PLXNB1: variants seen among roughly 807,000 people sequenced by gnomAD.
The protein encoded by PLXNB1 is plexin-B1.
PLXNB1 carries 106 observed loss-of-function variants against 209.4 expected under a neutral mutation model. The observed-to-expected ratio is 0.51, with a 90% confidence interval of 0.43 to 0.59. The LOEUF (loss-of-function observed/expected upper bound fraction) is 0.59. Among genes scored for constraint, PLXNB1 ranks in the 20% least tolerant of loss-of-function variants. The pLI is 0.00. For missense variants in PLXNB1, 2,357 were observed against 2,853.2 expected (o/e 0.83, Z 3.96); for synonymous variants, 1,167 against 1,183.2 (o/e 0.99, Z 0.28).
At position 48,412,862 on chromosome 3, in the gene PLXNB1, A is replaced by AG; in HGVS notation, c.4733dup (p.Gly1579TrpfsTer15). 6.2e-7 allele frequency: 1 copy of AG among 1,613,818 alleles called. No individual in the cohort carries two copies. The highest frequency in any genetic ancestry group is 8.5e-7 in the Non-Finnish European group (1 of 1,180,004). ...GGTGCAAGGGCGACTCGCGGTGCCCAGGGAAGAAGATCCTCTCCGCATACA... is the reference window on the plus strand; with the variant it reads ...GGTGCAAGGGCGACTCGCGGTGCCCAGGGGAAGAAGATCCTCTCCGCATACA... On this transcript the variant is annotated frameshift_variant, in exon 25 of 38. Coordinates refer to ENST00000296440, the MANE Select transcript of PLXNB1 (RefSeq NM_001130082.3). LOFTEE classifies it high-confidence loss of function.
rs2037176312 is a variant in PLXNB1, at chr3:48,404,241, G to T, written c.*245C>A. On this transcript the variant is annotated 3_prime_UTR_variant, in exon 38 of 38. Transcript: ENST00000296440. Reference sequence around the variant, plus strand: ...AGCCCTTAGTCCCCAACTCCCTGCAGACCGGTGTCACAGGGTCGCTGGACT... The same window carrying T: ...AGCCCTTAGTCCCCAACTCCCTGCATACCGGTGTCACAGGGTCGCTGGACT... 2 of 515,966 alleles carry T rather than the reference G, an allele frequency of 3.9e-6. No homozygotes were observed. Among genetic ancestry groups the T allele is most frequent in the Non-Finnish European group, 6.9e-6 (2 of 290,918 alleles). 32.0% of individuals were successfully genotyped at this position (515,966 alleles called of 1,614,324 possible). A position where few individuals can be genotyped will look rare whatever the true frequency, so the allele number is the denominator to read the frequency against.
chr3:48,419,968 G>C lies in PLXNB1; in HGVS notation c.2318C>G (p.Pro773Arg). The change falls in exon 11 of 38, where the codon CCT (proline) becomes CGT (arginine). Residue 773 changes from proline to arginine, a missense_variant. This residue lies in a region of PLXNB1 where 410 missense variants were observed against 401.0 expected (regional missense o/e 1.02). Coordinates refer to ENST00000296440, the MANE Select transcript of PLXNB1 (RefSeq NM_001130082.3). The surrounding 1 kb of genome is among the most constrained non-coding windows in gnomAD (Gnocchi z 5.7). ...SPQNGPGTAV[P>R]APTDFRPSAT... is the part of the protein sequence containing the mutation. ...TGAGGGTCTGAAGTCAGTGGGGGCA[G>C]GGACAGCGGTTCCAGGTCCATTTTG... 2 of 1,587,756 alleles carry C rather than the reference G, an allele frequency of 1.3e-6. No homozygotes were observed. Among genetic ancestry groups the C allele is most frequent in the South Asian group, 1.2e-5 (1 of 86,790 alleles).
chr3:48,428,522 G>C (rs927723268), intron 1 of PLXNB1, among the ~76,000 whole-genome samples: 4 of 152,148 alleles, frequency 2.6e-5, no homozygotes, highest in African/African-American at 9.7e-5. Flanking sequence ...CAACAAAAGG[G>C]GCTCACAAAC....
intron 21 of PLXNB1, 33 bp from the exon 22 acceptor site, chr3:48,414,104 G>A (rs1422992819): frequency 3.1e-6 from 5 of 1,607,980 alleles, no homozygotes; most frequent in Non-Finnish European, 4.3e-6. Flanking sequence ...AGTCACTCAG[G>A]ACCCTTCCCT....
chr3:48,414,328 C>CT (rs1417380578), intron 21 of PLXNB1, among the ~76,000 whole-genome samples: 1 of 152,170 alleles, frequency 6.6e-6, no homozygotes. Context: ...GCCCAGCTAC[C>CT]TAACAAAGCT....
chr3:48,422,501 C>A, intron 4 of PLXNB1, 42 bp from the exon 5 acceptor site: 1 of 1,529,586 alleles, frequency 6.5e-7, no homozygotes, highest in Non-Finnish European at 8.8e-7. Flanking sequence ...AAGTCCATGG[C>A]CAGAGGCCCA....
Position 48,424,296 on chromosome 3 carries a change from C to T in PLXNB1, c.316G>A (p.Gly106Arg), listed in dbSNP as rs1488024932. The change falls in exon 3 of 38, where the codon GGG becomes AGG. Residue 106 changes from glycine (G) to arginine (R), a missense_variant. Physicochemically the swap from Gly to Arg is moderately radical, Grantham distance 125. Coordinates refer to ENST00000296440, the MANE Select transcript of PLXNB1 (RefSeq NM_001130082.3). ...NPNQLLLVSP[G>R]ALVVCGSVHQ... is the part of the protein sequence containing the mutation. ...ACGCTCCCGCATACCACCAGGGCCC[C>T]TGGGCTCACCAGGAGCAGCTGATTC... 1 of 1,572,648 alleles carries T rather than the reference C, an allele frequency of 6.4e-7. No homozygotes were observed. The highest frequency in any genetic ancestry group is 1.2e-5 in the South Asian group (1 of 86,018).
chr3:48,411,725 G>C lies in PLXNB1; in HGVS notation c.5247+138C>G, dbSNP rs1355711234. 1.0e-6 allele frequency: 1 copy of C among 964,338 alleles called. No homozygotes were observed. The highest frequency in any genetic ancestry group is 2.5e-5 in the Admixed American group (1 of 40,578). The allele number at this position is 964,338 out of a possible 1,614,324, so 59.7% of individuals were successfully genotyped here. On this transcript the variant is annotated intron_variant, in intron 28 of 37. Transcript: ENST00000296440. This position sits in a 1 kb window ranked among gnomAD's most constrained non-coding sequence, Gnocchi z 4.0. ...AGCTAGTCTGATGGGCTCTCTCCAG[G>C]AGCCAGCCAGAGGTCAACCCAGCTC...
Position 48,421,311 on chromosome 3 carries a change from T to C in PLXNB1, c.1727A>G (p.Gln576Arg). 1.9e-6 allele frequency: 3 copies of C among 1,597,356 alleles called. No individual in the cohort carries two copies. The highest frequency in any genetic ancestry group is 4.5e-5 in the East Asian group (2 of 44,526). The part of the protein sequence containing the change: ...ESYSCHFGEH[Q>R]SPALLTGSGV... ...AGAACCAGTCAGCAGGGCAGGACTC[T>C]GATGTTCCCCAAAGTGGCAGGAATA... Residue 576 changes from glutamine to arginine, a missense_variant, in exon 8 of 38, where the codon CAG becomes CGG. Gln to Arg is a conservative substitution (Grantham distance 43). This residue lies in a region of PLXNB1 where 214 missense variants were observed against 297.1 expected (regional missense o/e 0.72). Coordinates refer to ENST00000296440, the MANE Select transcript of PLXNB1 (RefSeq NM_001130082.3).
rs776063657 is a variant in PLXNB1 at position 48,424,015 on chromosome 3, G to A, written c.597C>T (p.Ser199=). ...LWPPDPQAAF[S]YEETAKLAVG... is the part of the protein sequence containing the mutation. ...CTGCCAGCTTGGCTGTCTCCTCATA[G>A]GAGAAGGCAGCTTGGGGGTCGGGCG... The change falls in exon 3 of 38, where the codon TCC becomes TCT. Residue 199 remains serine (S), a synonymous_variant. Coordinates refer to ENST00000296440, the MANE Select transcript of PLXNB1 (RefSeq NM_001130082.3). 4.3e-6 allele frequency: 7 copies of A among 1,610,698 alleles called. No individual in the cohort carries two copies. In the African/African-American group the frequency reaches 9.3e-5, roughly 22 times the overall value.
Position 48,412,316 on chromosome 3 carries a change from G to C in PLXNB1, c.5034-12C>G. The C allele has an allele frequency of 3.1e-6, 5 of 1,614,008 alleles. No individual in the cohort carries two copies. The highest frequency in any genetic ancestry group is 1.1e-5 in the South Asian group (1 of 91,088). ...CCACAGTCTCTGTCCTGAGATGATGGGAAAGGGGAGTGCCAGGGTCAGCAG... is the reference window on the plus strand; with the variant it reads ...CCACAGTCTCTGTCCTGAGATGATGCGAAAGGGGAGTGCCAGGGTCAGCAG... On this transcript the variant is annotated splice_polypyrimidine_tract_variant and intron_variant, in intron 26 of 37. Transcript: ENST00000296440.
Position 48,412,847 on chromosome 3 carries a change from C to T in PLXNB1, c.4749G>A (p.Ser1583=), listed in dbSNP as rs1199179973. 6 of 1,613,592 alleles carry T rather than the reference C, an allele frequency of 3.7e-6. No homozygotes were observed. Among genetic ancestry groups the T allele is most frequent in the African/African-American group, 1.3e-5 (1 of 74,900 alleles). ...GCACACCCAGGTCCCGGTGCAAGGG[C>T]GACTCGCGGTGCCCAGGGAAGAAGA... The part of the protein sequence containing the change: ...ERIFFPGHRE[S]PLHRDLGVPE... Residue 1583 remains serine (S), a synonymous_variant, in exon 25 of 38, where the codon TCG becomes TCA. Coordinates refer to ENST00000296440, the MANE Select transcript of PLXNB1 (RefSeq NM_001130082.3).
In PLXNB1 at chr3:48,418,839, T is replaced by G; in HGVS notation, c.2955+78A>C. Reference sequence around the variant, plus strand: ...CAGAGCGTGGCTCTGGAAAGTGTGGTGCAGCCAGCTACAGTTGGCAGCCAG... The same window carrying G: ...CAGAGCGTGGCTCTGGAAAGTGTGGGGCAGCCAGCTACAGTTGGCAGCCAG... On this transcript the variant is annotated intron_variant, in intron 13 of 37. Transcript: ENST00000296440. The surrounding 1 kb of genome is among the most constrained non-coding windows in gnomAD (Gnocchi z 6.6). The G allele has an allele frequency of 1.9e-6, 3 of 1,567,702 alleles. No homozygotes were observed. The highest frequency in any genetic ancestry group is 2.3e-5 in the South Asian group (2 of 88,558).
rs749556070 is a variant in PLXNB1 at position 48,412,853 on chromosome 3, G to A, written c.4743C>T (p.Arg1581=). The A allele has an allele frequency of 4.2e-5, 68 of 1,613,656 alleles. 1 individual carries two copies. The Middle Eastern group carries it at 6.6e-4, about 16-fold the overall frequency. The change falls in exon 25 of 38, where the codon CGC becomes CGT. Residue 1581 remains arginine, a synonymous_variant. Transcript: ENST00000296440. ...CCAGGTCCCGGTGCAAGGGCGACTC[G>A]CGGTGCCCAGGGAAGAAGATCCTCT... ...YAERIFFPGH[R]ESPLHRDLGV...
chr3:48,424,703 T>A (rs553106221), intron 2 of PLXNB1, 86 bp from the exon 3 acceptor site: 159 of 1,366,588 alleles, frequency 1.2e-4, no homozygotes, highest in Non-Finnish European at 1.4e-4. Flanking sequence ...GACTGTGGCA[T>A]TGCCAAGATG....
intron 7 of PLXNB1, 58 bp downstream of exon 7, chr3:48,421,616 C>T (rs2106933738): frequency 2.7e-6 from 4 of 1,507,166 alleles, no homozygotes; most frequent in South Asian, 1.2e-5. Flanking sequence ...AAGATCTCTA[C>T]CCAGACCTTG....
At position 48,406,570 on chromosome 3, in the gene PLXNB1, T is replaced by C; in HGVS notation, c.6228+253A>G. 1 of 985,328 alleles carries C rather than the reference T, an allele frequency of 1.0e-6. No homozygotes were observed. The highest frequency in any genetic ancestry group is 1.2e-6 in the Non-Finnish European group (1 of 829,910). The allele number at this position is 985,328 out of a possible 1,614,324, so 61.0% of individuals were successfully genotyped here. A position where few individuals can be genotyped will look rare whatever the true frequency, so the allele number is the denominator to read the frequency against. Reference sequence around the variant, plus strand: ...GCCTGGGGCTGAATCCCAGCTACCTTGCAAGAGCCTGGCTGAATCAGGGTA... The same window carrying C: ...GCCTGGGGCTGAATCCCAGCTACCTCGCAAGAGCCTGGCTGAATCAGGGTA... On this transcript the variant is annotated intron_variant, in intron 36 of 37. Transcript: ENST00000296440. The surrounding 1 kb of genome is among the most constrained non-coding windows in gnomAD (Gnocchi z 4.4).
rs1383663020 is a variant in PLXNB1, at chr3:48,411,883, CCTCT to C, written c.5223_5226del (p.Glu1742MetfsTer7). ...CTCACCAGGGGACGGTACTCCACATCCTCTCTGAGCAGGCGGTTGTCGTTCAAGG... is the reference window on the plus strand; with the variant it reads ...CTCACCAGGGGACGGTACTCCACATCCTGAGCAGGCGGTTGTCGTTCAAGG... On this transcript the variant is annotated frameshift_variant, in exon 28 of 38. Transcript: ENST00000296440. LOFTEE classifies it high-confidence loss of function. The surrounding 1 kb of genome is among the most constrained non-coding windows in gnomAD (Gnocchi z 4.0). 1 of 1,614,130 alleles carries C rather than the reference CCTCT, an allele frequency of 6.2e-7. No individual in the cohort carries two copies. Among genetic ancestry groups the C allele is most frequent in the Admixed American group, 1.7e-5 (1 of 60,016 alleles).
chr3:48,419,116 C>T lies in PLXNB1; in HGVS notation c.2833-77G>A. 3 of 1,587,128 alleles carry T rather than the reference C, an allele frequency of 1.9e-6. No individual in the cohort carries two copies. Among genetic ancestry groups the T allele is most frequent in the Non-Finnish European group, 2.6e-6 (3 of 1,161,596 alleles). On this transcript the variant is annotated intron_variant, in intron 12 of 37. Coordinates refer to ENST00000296440, the MANE Select transcript of PLXNB1 (RefSeq NM_001130082.3). The surrounding 1 kb of genome is among the most constrained non-coding windows in gnomAD (Gnocchi z 5.7). ...AGTCCTGCAGGTCACCCAACAGATCCCCCAGCACAGCTTCTGGGTTGGAGT... is the reference window on the plus strand; with the variant it reads ...AGTCCTGCAGGTCACCCAACAGATCTCCCAGCACAGCTTCTGGGTTGGAGT...
Sources: gnomAD v4.1 joint callset for allele counts (sites outside exome capture counted in the v4.1 genomes callset) on GRCh38, gnomAD v4.1.1 for gene constraint, gnomAD v4.1.1 regional missense constraint, Gnocchi (gnomAD v3.1) non-coding constraint, MANE v1.5 for transcripts, NCBI Gene and HGNC (gene_info 2026-07-23, HGNC 2026-07-21) for gene names.